The following PCSK5 variants were observed in gnomAD, a reference collection of about 807,000 sequenced individuals.
PCSK5 encodes prohormone convertase 5.
A neutral mutation model predicts 233.2 loss-of-function variants in PCSK5; 129 were observed. The observed-to-expected ratio is 0.55, with a 90% CI of 0.48 to 0.64. PCSK5 has a LOEUF of 0.64. Ranked by LOEUF, PCSK5 falls within the 30% of genes least tolerant of loss-of-function variation. The pLI is 0.00. For missense variants in PCSK5, 2,076 were observed against 2,430.1 expected, an observed-to-expected ratio of 0.85 and a Z score of 3.06; for synonymous variants, 825 against 879.2, an observed-to-expected ratio of 0.94 and a Z score of 1.09.
In PCSK5 at chr9:75,891,156, C is replaced by T; in HGVS notation, c.-26C>T. 6.9e-7 allele frequency: 1 copy of T among 1,445,228 alleles called. No homozygotes were observed. 89.5% of individuals were successfully genotyped at this position (1,445,228 alleles called of 1,614,324 possible). On this transcript the variant is annotated 5_prime_UTR_variant, in exon 1 of 38. Coordinates refer to ENST00000674117, the MANE Select transcript of PCSK5 (RefSeq NM_001372043.1). ...TTAGTGCGCGGAACCAGCCAGCGAGCGAGGGAGCAGCGAGGCGCCGGGACC... is the reference window on the plus strand; with the variant it reads ...TTAGTGCGCGGAACCAGCCAGCGAGTGAGGGAGCAGCGAGGCGCCGGGACC...
intron 24 of PCSK5, among the ~76,000 whole-genome samples, chr9:76,271,851 C>A (rs1306760498): frequency 1.3e-5 from 2 of 152,084 alleles, no homozygotes; most frequent in African/African-American, 2.4e-5. Context: ...CCTTGGCATT[C>A]TTTATCTTGC....
At chr9:75,957,731 A>G (rs1825158440) in intron 2 of PCSK5, among the ~76,000 whole-genome samples, 1 of 152,160 alleles carries the variant, frequency 6.6e-6, no homozygotes, top group Non-Finnish European at 1.5e-5. Flanking sequence ...TACACATCTC[A>G]TTTTTAAAAT....
chr9:76,226,133 C>T (rs984768823), intron 20 of PCSK5, among the ~76,000 whole-genome samples: 2 of 152,058 alleles, frequency 1.3e-5, no homozygotes, highest in African/African-American at 2.4e-5. Context: ...GAACAGAGCC[C>T]GGGGTGTGCA....
chr9:76,035,196 C>G (rs1828810958), intron 5 of PCSK5, among the ~76,000 whole-genome samples: 1 of 152,186 alleles, frequency 6.6e-6, no homozygotes, highest in Non-Finnish European at 1.5e-5. Flanking sequence ...TGTTCTTTAG[C>G]CTGGTATCTT....
At chr9:76,310,549 A>G (rs1465673732) in intron 29 of PCSK5, 107 bp from the exon 30 acceptor site, 4 of 627,880 alleles carry the variant, frequency 6.4e-6, no homozygotes, top group Non-Finnish European at 7.5e-6. Flanking sequence ...TAAGCCTGAA[A>G]TAAGTGCCTG....
At chr9:76,051,511 A>C (rs1387838036) in intron 5 of PCSK5, among the ~76,000 whole-genome samples, 1 of 152,068 alleles carries the variant, frequency 6.6e-6, no homozygotes, top group Non-Finnish European at 1.5e-5. Context: ...TGAAAACAGC[A>C]TTTCTGACAG....
chr9:76,233,638 G>C (rs7854396), intron 22 of PCSK5, 42 bp downstream of exon 22: 643,784 of 1,576,190 alleles, frequency 0.41, 136,460 homozygotes, highest in East Asian at 0.78. Context: ...CCCCAAACCT[G>C]TTCCTCTTCT....
chr9:76,054,054 G>A (rs1016633288), intron 5 of PCSK5, among the ~76,000 whole-genome samples: 10 of 152,144 alleles, frequency 6.6e-5, no homozygotes, highest in East Asian at 1.9e-4. Flanking sequence ...CTTACATGGC[G>A]GCAGGCAGGA....
chr9:76,032,322 A>G (rs1011506488), intron 5 of PCSK5, among the ~76,000 whole-genome samples: 1 of 152,162 alleles, frequency 6.6e-6, no homozygotes, highest in Non-Finnish European at 1.5e-5. Flanking sequence ...ATACCTGGGG[A>G]ATCAATGATG....
intron 1 of PCSK5, among the ~76,000 whole-genome samples, chr9:75,906,846 C>T (rs548478015): frequency 1.3e-5 from 2 of 152,354 alleles, no homozygotes; most frequent in South Asian, 4.1e-4. Context: ...TTCTCCTACT[C>T]ATTCCCTTGA....
intron 2 of PCSK5, among the ~76,000 whole-genome samples, chr9:75,970,412 G>A (rs750333821): frequency 9.2e-5 from 14 of 152,106 alleles, no homozygotes; most frequent in Non-Finnish European, 1.8e-4. Flanking sequence ...TCATTGCCAA[G>A]GCTGTGCCTA....
At chr9:75,897,846 T>G (rs1173771780) in intron 1 of PCSK5, among the ~76,000 whole-genome samples, 1 of 152,140 alleles carries the variant, frequency 6.6e-6, no homozygotes, top group Non-Finnish European at 1.5e-5. Context: ...AGTGTGAGTC[T>G]GTATAGAAGA....
intron 12 of PCSK5, among the ~76,000 whole-genome samples, chr9:76,161,684 G>T (rs1329382126): frequency 6.6e-6 from 1 of 152,250 alleles, no homozygotes; most frequent in Non-Finnish European, 1.5e-5. Context: ...CTGAAATGAC[G>T]TCAGTGAGGA....
intron 29 of PCSK5, among the ~76,000 whole-genome samples, chr9:76,310,002 C>A (rs1828817865): frequency 6.6e-6 from 1 of 152,064 alleles, no homozygotes; most frequent in Non-Finnish European, 1.5e-5. Context: ...AATGCCAGCA[C>A]TTTAGGAGGC....
At chr9:76,068,743 C>T (rs927698425) in intron 6 of PCSK5, among the ~76,000 whole-genome samples, 5 of 152,130 alleles carry the variant, frequency 3.3e-5, no homozygotes, top group Admixed American at 2.6e-4. Context: ...CACAGCCACA[C>T]ACAAATGGGA....
chr9:76,175,302 GAATA>G, intron 14 of PCSK5, 173 bp downstream of exon 14: 1 of 592,926 alleles, frequency 1.7e-6, no homozygotes, highest in Non-Finnish European at 3.0e-6. Context: ...GAATAGAATA[GAATA>G]GAATAGAACA....
At chr9:75,925,777 C>T (rs528151806) in intron 1 of PCSK5, among the ~76,000 whole-genome samples, 3 of 152,250 alleles carry the variant, frequency 2.0e-5, no homozygotes, top group Non-Finnish European at 4.4e-5. Context: ...TATGGATTCT[C>T]CTTTGAATGT....
intron 20 of PCSK5, among the ~76,000 whole-genome samples, chr9:76,203,982 CCT>C (rs1825013512): frequency 6.6e-6 from 1 of 152,146 alleles, no homozygotes; most frequent in South Asian, 2.1e-4. Context: ...GGTAATCCTA[CCT>C]CTCTTCCAGG....
rs144271864 is a variant in PCSK5, at chr9:76,065,060, G to A, written c.633-2895G>A. Among the ~76,000 whole-genome samples, 788 of 152,324 alleles carry A rather than the reference G, an allele frequency of 5.2e-3. 7 individuals are homozygous for A. The highest frequency in any genetic ancestry group is 0.017 in the African/African-American group (693 of 41,572). Reference sequence around the variant, plus strand: ...ACATTTTCTTATTCATTCATCTGTTGATGGACACTTATCTTGGCTATTGTG... The same window carrying A: ...ACATTTTCTTATTCATTCATCTGTTAATGGACACTTATCTTGGCTATTGTG... On this transcript the variant is annotated intron_variant, in intron 5 of 37. Transcript: ENST00000674117.
Sources: gnomAD v4.1 joint callset for allele counts (sites outside exome capture counted in the v4.1 genomes callset) on GRCh38, gnomAD v4.1.1 for gene constraint, MANE v1.5 for transcripts, NCBI Gene and HGNC (gene_info 2026-07-23, HGNC 2026-07-21) for gene names.